The following MAGI1 variants were observed in gnomAD, a reference collection of about 807,000 sequenced individuals.
MAGI1 encodes membrane associated guanylate kinase, WW and PDZ domain containing 1.
A neutral mutation model predicts 139.9 loss-of-function variants in MAGI1; 58 were observed. That is an observed-to-expected ratio of 0.41 (90% CI 0.34 to 0.52). The LOEUF (loss-of-function observed/expected upper bound fraction) is 0.52. Ranked by LOEUF, MAGI1 falls within the 20% of genes least tolerant of loss-of-function variation. The pLI, the probability that MAGI1 is intolerant of heterozygous loss-of-function variation, is 0.12. For synonymous variants in MAGI1, 812 were observed against 737.9 expected, an observed-to-expected ratio of 1.10 and a Z score of -1.63; for missense variants, 1,874 against 1,901.6, an observed-to-expected ratio of 0.99 and a Z score of 0.27.
intron 1 of MAGI1, among the ~76,000 whole-genome samples, chr3:65,646,710 T>C (rs550749200): frequency 6.6e-6 from 1 of 151,992 alleles, no homozygotes; most frequent in East Asian, 1.9e-4. Flanking sequence ...GTTCTCTAAA[T>C]AGAAGAGAAC....
intron 1 of MAGI1, among the ~76,000 whole-genome samples, chr3:65,666,152 C>T (rs1357600687): frequency 1.3e-5 from 2 of 152,168 alleles, no homozygotes; most frequent in Admixed American, 1.3e-4. Context: ...CAGTCCAGAG[C>T]AGGGATTCAC....
chr3:65,980,565 A>AG (rs1413831089), intron 1 of MAGI1, among the ~76,000 whole-genome samples: 4 of 7,204 alleles, frequency 5.6e-4, no homozygotes, highest in Non-Finnish European at 7.3e-4. Context: ...ACTCCATCTC[A>AG]AAAAAAAAAA....
At chr3:65,573,626 C>T (rs1269744008) in intron 2 of MAGI1, among the ~76,000 whole-genome samples, 2 of 152,050 alleles carry the variant, frequency 1.3e-5, no homozygotes, top group East Asian at 3.9e-4. Flanking sequence ...AAACCTGCAG[C>T]TAACATCATA....
chr3:65,527,942 A>C (rs2078466703), intron 2 of MAGI1, among the ~76,000 whole-genome samples: 8 of 151,910 alleles, frequency 5.3e-5, no homozygotes, highest in Admixed American at 5.3e-4. Flanking sequence ...TATTTAAGAG[A>C]GATCATAAGA....
At chr3:65,415,028 A>C (rs528979811) in intron 12 of MAGI1, among the ~76,000 whole-genome samples, 28 of 151,444 alleles carry the variant, frequency 1.8e-4, no homozygotes, top group Non-Finnish European at 1.8e-4. Context: ...AACAAAAAAA[A>C]AAAAAACAGA....
At chr3:65,751,931 C>T (rs550056278) in intron 1 of MAGI1, among the ~76,000 whole-genome samples, 24 of 152,108 alleles carry the variant, frequency 1.6e-4, no homozygotes, top group African/African-American at 5.8e-4. Context: ...TTAAAGATAT[C>T]GTCTGATTTT....
At chr3:65,891,215 C>CAA (rs58690899) in intron 1 of MAGI1, among the ~76,000 whole-genome samples, 2,643 of 102,194 alleles carry the variant, frequency 0.026, 74 homozygotes, top group African/African-American at 0.12. Flanking sequence ...AAAACACACA[C>CAA]AAAAAAAAAA....
chr3:65,374,313 CTTTTT>C (rs3072933), intron 18 of MAGI1, among the ~76,000 whole-genome samples: 1 of 95,054 alleles, frequency 1.1e-5, no homozygotes, highest in East Asian at 3.2e-4. Context: ...ATCAACTTAA[CTTTTT>C]TTTTTTTTTT....
intron 1 of MAGI1, among the ~76,000 whole-genome samples, chr3:65,704,149 C>A (rs761720605): frequency 2.6e-5 from 4 of 152,200 alleles, no homozygotes; most frequent in Non-Finnish European, 5.9e-5. Context: ...GACCATCCTA[C>A]AACATCCTCC....
At chr3:66,021,722 C>T (rs185428188) in intron 1 of MAGI1, among the ~76,000 whole-genome samples, 1 of 152,260 alleles carries the variant, frequency 6.6e-6, no homozygotes, top group African/African-American at 2.4e-5. Context: ...AAACACCCTG[C>T]CTGATTCTAT....
At chr3:65,796,627 T>C (rs1468440007) in intron 1 of MAGI1, among the ~76,000 whole-genome samples, 1 of 152,226 alleles carries the variant, frequency 6.6e-6, no homozygotes, top group Non-Finnish European at 1.5e-5. Flanking sequence ...TAAAAGTATT[T>C]ATATTCATTT....
At chr3:65,610,610 A>G (rs1460492144) in intron 2 of MAGI1, among the ~76,000 whole-genome samples, 1 of 151,536 alleles carries the variant, frequency 6.6e-6, no homozygotes, top group African/African-American at 2.4e-5. Context: ...GTATCCCTCA[A>G]GTCAATTGAT....
chr3:65,394,985 A>G (rs903009935), intron 13 of MAGI1, among the ~76,000 whole-genome samples: 2 of 152,216 alleles, frequency 1.3e-5, no homozygotes, highest in African/African-American at 4.8e-5. Context: ...TATACTTTTA[A>G]GTCTGTTAAC....
At chr3:65,534,836 TAGG>T (rs908985485) in intron 2 of MAGI1, among the ~76,000 whole-genome samples, 1 of 152,134 alleles carries the variant, frequency 6.6e-6, no homozygotes, top group African/African-American at 2.4e-5. Context: ...AGGGCATCAG[TAGG>T]AGGTTTCAGC....
At chr3:65,854,146 G>A (rs1441589611) in intron 1 of MAGI1, among the ~76,000 whole-genome samples, 1 of 146,958 alleles carries the variant, frequency 6.8e-6, no homozygotes, top group Non-Finnish European at 1.5e-5. Flanking sequence ...GGTTAGCTGT[G>A]TAAAAATTCT....
intron 2 of MAGI1, among the ~76,000 whole-genome samples, chr3:65,578,902 C>A (rs1019695641): frequency 1.0e-4 from 15 of 149,150 alleles, no homozygotes; most frequent in African/African-American, 3.7e-4. Context: ...GCCTGGGTGA[C>A]AGAGTAACAC....
chr3:65,440,263 A>C (rs1948183384), intron 8 of MAGI1, among the ~76,000 whole-genome samples: 1 of 152,144 alleles, frequency 6.6e-6, no homozygotes, highest in East Asian at 1.9e-4. Flanking sequence ...AAATGCCAGG[A>C]GGTAAGTCCT....
chr3:65,979,750 G>T (rs17074219), intron 1 of MAGI1, among the ~76,000 whole-genome samples: 32,520 of 152,148 alleles, frequency 0.21, 3,741 homozygotes, highest in East Asian at 0.38. Context: ...GAAAAGCTTA[G>T]GTGTTAATAG....
intron 1 of MAGI1, among the ~76,000 whole-genome samples, chr3:65,624,932 G>A (rs2083885660): frequency 2.0e-5 from 3 of 152,182 alleles, no homozygotes; most frequent in Admixed American, 2.0e-4. Flanking sequence ...GTGTGCAGTG[G>A]CACAGTCTCA....
Sources: gnomAD v4.1 joint callset for allele counts (sites outside exome capture counted in the v4.1 genomes callset) on GRCh38, gnomAD v4.1.1 for gene constraint, MANE v1.5 for transcripts, NCBI Gene and HGNC (gene_info 2026-07-23, HGNC 2026-07-21) for gene names.